GRXCR1: variants seen among roughly 807,000 people sequenced by gnomAD.
The protein encoded by GRXCR1 is glutaredoxin domain-containing cysteine-rich protein 1.
A neutral mutation model predicts 27.3 loss-of-function variants in GRXCR1; 27 were observed. The observed-to-expected ratio is 0.99, with a 90% CI of 0.73 to 1.37. The LOEUF (loss-of-function observed/expected upper bound fraction) is 1.37. GRXCR1 is among the 40% of genes most tolerant of loss of function. The pLI is 0.00. For synonymous variants in GRXCR1, 122 were observed against 131.1 expected (o/e 0.93, Z 0.47); for missense variants, 379 against 354.4 (o/e 1.07, Z -0.56).
rs112555380 is a variant in GRXCR1 at position 42,942,953 on chromosome 4, T to C, written c.385-19939T>C. ...CATTAATAAATGACACAGGAAAGCA[T>C]GGACTGAAGAGTAAGGAGAGAAGGG... On this transcript the variant is annotated intron_variant, in intron 1 of 3. Coordinates refer to ENST00000399770, the MANE Select transcript of GRXCR1 (RefSeq NM_001080476.3). Among the ~76,000 whole-genome samples, 75 of 152,142 alleles carry C rather than the reference T, an allele frequency of 4.9e-4. 1 individual carries two copies. The highest frequency in any genetic ancestry group is 1.7e-3 in the African/African-American group (69 of 41,536).
chr4:42,970,866 C>T (rs1378031432), intron 2 of GRXCR1, among the ~76,000 whole-genome samples: 1 of 152,170 alleles, frequency 6.6e-6, no homozygotes, highest in Non-Finnish European at 1.5e-5. Flanking sequence ...CATGGTCAGG[C>T]TGCAATTTTT....
intron 1 of GRXCR1, among the ~76,000 whole-genome samples, chr4:42,929,491 C>T (rs759599986): frequency 3.3e-5 from 5 of 151,992 alleles, no homozygotes; most frequent in Non-Finnish European, 7.4e-5. Flanking sequence ...AGAAATATGG[C>T]AGCCTCAGAG....
chr4:43,010,755 A>G (rs753675833), intron 2 of GRXCR1, among the ~76,000 whole-genome samples: 1 of 152,188 alleles, frequency 6.6e-6, no homozygotes, highest in African/African-American at 2.4e-5. Context: ...AAAGAAGTTG[A>G]CAGTGTGATT....
At chr4:42,906,987 T>C (rs1308351490) in intron 1 of GRXCR1, among the ~76,000 whole-genome samples, 1 of 152,162 alleles carries the variant, frequency 6.6e-6, no homozygotes, top group Non-Finnish European at 1.5e-5. Context: ...TTGAGTTCCT[T>C]AGAAGCAGAA....
At chr4:43,025,194 C>T (rs1713215592) in intron 3 of GRXCR1, among the ~76,000 whole-genome samples, 1 of 152,058 alleles carries the variant, frequency 6.6e-6, no homozygotes, top group African/African-American at 2.4e-5. Flanking sequence ...TTATCTTTGT[C>T]GTTTGTCGTT....
intron 1 of GRXCR1, among the ~76,000 whole-genome samples, chr4:42,918,869 G>A (rs779536482): frequency 1.3e-5 from 2 of 152,066 alleles, no homozygotes; most frequent in African/African-American, 2.4e-5. Context: ...ATTAAAAAGC[G>A]AGTGGAGTCT....
chr4:42,905,809 C>A (rs1746575276), intron 1 of GRXCR1, among the ~76,000 whole-genome samples: 1 of 152,156 alleles, frequency 6.6e-6, no homozygotes, highest in Non-Finnish European at 1.5e-5. Context: ...CGTTCCTTGT[C>A]ATTGTAAGAG....
chr4:42,971,777 C>T (rs1241373951), intron 2 of GRXCR1, among the ~76,000 whole-genome samples: 1 of 151,580 alleles, frequency 6.6e-6, no homozygotes, highest in Non-Finnish European at 1.5e-5. Context: ...TGTACCTTTC[C>T]AAATCTCATG....
At chr4:42,901,789 A>G (rs1210574553) in intron 1 of GRXCR1, among the ~76,000 whole-genome samples, 1 of 152,154 alleles carries the variant, frequency 6.6e-6, no homozygotes, top group Non-Finnish European at 1.5e-5. Context: ...AGTATCATAC[A>G]TTGGCATACT....
chr4:43,024,386 G>A (rs986660740), intron 3 of GRXCR1, among the ~76,000 whole-genome samples: 2 of 152,032 alleles, frequency 1.3e-5, no homozygotes, highest in Non-Finnish European at 2.9e-5. Context: ...GAGGTTCCCT[G>A]GAGAAGTATA....
chr4:42,955,682 C>T (rs1747985164), intron 1 of GRXCR1, among the ~76,000 whole-genome samples: 3 of 152,192 alleles, frequency 2.0e-5, no homozygotes, highest in Middle Eastern at 3.4e-3. Flanking sequence ...ATTATGTCTG[C>T]CACTGATATT....
At chr4:42,901,822 A>G (rs1341708873) in intron 1 of GRXCR1, among the ~76,000 whole-genome samples, 2 of 152,168 alleles carry the variant, frequency 1.3e-5, no homozygotes, top group Non-Finnish European at 1.5e-5. Flanking sequence ...ACCAGGGGAT[A>G]GAGTGTATTT....
In GRXCR1 at chr4:42,893,224, G is replaced by T. The variant is rs756133917; in HGVS notation, c.-43G>T. On this transcript the variant is annotated 5_prime_UTR_variant, in exon 1 of 4. Coordinates refer to ENST00000399770, the MANE Select transcript of GRXCR1 (RefSeq NM_001080476.3). ...GCAAGTGGACTAGTGCAGTAACAAC[G>T]GGTCCAGAATGCTGTAAACTGTTCA... 1.9e-6 allele frequency: 3 copies of T among 1,611,566 alleles called. No individual in the cohort carries two copies. Among genetic ancestry groups the T allele is most frequent in the Admixed American group, 3.3e-5 (2 of 59,928 alleles).
At chr4:42,906,032 T>C (rs1417559869) in intron 1 of GRXCR1, among the ~76,000 whole-genome samples, 1 of 152,194 alleles carries the variant, frequency 6.6e-6, no homozygotes, top group Non-Finnish European at 1.5e-5. Context: ...TTTCATGAAC[T>C]GTGTACATTT....
At chr4:42,952,673 G>A (rs1747912830) in intron 1 of GRXCR1, among the ~76,000 whole-genome samples, 1 of 152,108 alleles carries the variant, frequency 6.6e-6, no homozygotes, top group Admixed American at 6.6e-5. Flanking sequence ...CATAGGAGCA[G>A]AATGGCTCCC....
At chr4:42,927,560 C>A (rs1170726809) in intron 1 of GRXCR1, among the ~76,000 whole-genome samples, 1 of 151,928 alleles carries the variant, frequency 6.6e-6, no homozygotes, top group Admixed American at 6.6e-5. Context: ...AAATTCAATT[C>A]TTTCACCCAA....
intron 1 of GRXCR1, 81 bp from the exon 2 acceptor site, chr4:42,962,811 C>G: frequency 3.3e-6 from 5 of 1,528,848 alleles, no homozygotes; most frequent in Non-Finnish European, 4.5e-6. Context: ...ATGGCTTTAA[C>G]GCAATTTTTA....
chr4:42,902,617 T>C (rs1166805070), intron 1 of GRXCR1, among the ~76,000 whole-genome samples: 2 of 152,144 alleles, frequency 1.3e-5, no homozygotes, highest in Non-Finnish European at 2.9e-5. Context: ...TGTAATGGAA[T>C]GAGGAGCTGA....
chr4:43,002,021 C>G (rs1712382506), intron 2 of GRXCR1, among the ~76,000 whole-genome samples: 1 of 152,252 alleles, frequency 6.6e-6, no homozygotes, highest in Non-Finnish European at 1.5e-5. Flanking sequence ...AACAAGGCAG[C>G]ATTACTGCAA....
Sources: gnomAD v4.1 joint callset for allele counts (sites outside exome capture counted in the v4.1 genomes callset) on GRCh38, gnomAD v4.1.1 for gene constraint, MANE v1.5 for transcripts, NCBI Gene and HGNC (gene_info 2026-07-23, HGNC 2026-07-21) for gene names.